Variants in SOX6 observed in about 807,000 individuals in gnomAD.
SOX6 encodes SRY-box transcription factor 6, also known as transcription factor SOX-6.
A neutral mutation model predicts 97.8 loss-of-function variants in SOX6; 11 were observed. That is an observed-to-expected ratio of 0.11 (90% CI 0.07 to 0.19). The LOEUF is 0.19. SOX6 is among the 10% of genes least tolerant of loss of function. The pLI, the probability that SOX6 is intolerant of heterozygous loss-of-function variation, is 1.00. For synonymous variants in SOX6, 360 were observed against 371.4 expected (o/e 0.97, Z 0.35); for missense variants, 810 against 1,039.5 (o/e 0.78, Z 3.04).
At chr11:16,207,297 C>T (rs997528560) in intron 4 of SOX6, among the ~76,000 whole-genome samples, 1 of 152,074 alleles carries the variant, frequency 6.6e-6, no homozygotes, top group Non-Finnish European at 1.5e-5. Flanking sequence ...AGACAGCCCT[C>T]AAACTGATGA....
intron 4 of SOX6, among the ~76,000 whole-genome samples, chr11:16,521,989 C>A (rs935820862): frequency 6.6e-6 from 1 of 151,978 alleles, no homozygotes; most frequent in Non-Finnish European, 1.5e-5. Context: ...GTGAAAAGAC[C>A]AAATCTACGT....
intron 9 of SOX6, among the ~76,000 whole-genome samples, chr11:16,062,853 T>C (rs72866366): frequency 8.6e-5 from 13 of 151,842 alleles, no homozygotes; most frequent in Admixed American, 3.3e-4. Context: ...ATTTGACACA[T>C]AGAACTGAAA....
chr11:16,670,518 G>T (rs1380226201), intron 3 of SOX6, among the ~76,000 whole-genome samples: 2 of 152,064 alleles, frequency 1.3e-5, no homozygotes, highest in Non-Finnish European at 2.9e-5. Context: ...CTTAACGAAG[G>T]AGCAAAGACC....
At chr11:16,401,663 C>A (rs890520870) in intron 1 of SOX6, among the ~76,000 whole-genome samples, 1 of 151,472 alleles carries the variant, frequency 6.6e-6, no homozygotes, top group African/African-American at 2.4e-5. Context: ...ACTCAAAAGT[C>A]ATTAAGCTCT....
At chr11:16,093,457 A>T (rs1047289183) in intron 9 of SOX6, among the ~76,000 whole-genome samples, 2 of 152,004 alleles carry the variant, frequency 1.3e-5, no homozygotes. Flanking sequence ...TCTCTACTTG[A>T]TAAAATTTCA....
At chr11:16,306,585 C>A (rs1477456937) in intron 3 of SOX6, among the ~76,000 whole-genome samples, 1 of 150,664 alleles carries the variant, frequency 6.6e-6, no homozygotes, top group African/African-American at 2.4e-5. Flanking sequence ...AAAATCTTGT[C>A]CTGAGATTGT....
At position 16,644,344 on chromosome 11, in the gene SOX6, C is replaced by T. The variant is rs180799570; in HGVS notation, n.430-32084G>A. On this transcript the variant is annotated intron_variant and non_coding_transcript_variant, in intron 3 of 5. Coordinates refer to the SOX6 transcript ENST00000524520. ...TCACCCACCATACCTGGCCCATTTC[C>T]AGTCACAATCTTTTGATATAAATCA... 2.3e-3 allele frequency among the ~76,000 whole-genome samples: 346 copies of T among 152,228 alleles called. 3 individuals are homozygous for T. Among genetic ancestry groups the T allele is most frequent in the African/African-American group, 7.8e-3 (326 of 41,544 alleles).
At chr11:16,005,326 A>G (rs937538755) in intron 13 of SOX6, among the ~76,000 whole-genome samples, 8 of 151,968 alleles carry the variant, frequency 5.3e-5, no homozygotes, top group African/African-American at 1.9e-4. Flanking sequence ...CAACCGAGAA[A>G]GACCATCTCA....
intron 1 of SOX6, among the ~76,000 whole-genome samples, chr11:16,373,182 T>A (rs1284578182): frequency 6.6e-6 from 1 of 152,100 alleles, no homozygotes; most frequent in Admixed American, 6.6e-5. Flanking sequence ...ACGGCAAAAC[T>A]ATCTCAACTT....
chr11:16,162,640 A>G (rs1850780933), intron 6 of SOX6, among the ~76,000 whole-genome samples: 1 of 152,220 alleles, frequency 6.6e-6, no homozygotes, highest in Admixed American at 6.5e-5. Context: ...TAAAAAGCCA[A>G]GCAGATGCCC....
intron 3 of SOX6, among the ~76,000 whole-genome samples, chr11:16,254,143 A>G (rs973474506): frequency 1.7e-4 from 26 of 152,084 alleles, no homozygotes; most frequent in Non-Finnish European, 2.8e-4. Context: ...CTTCAAAAGT[A>G]AAGTAGAAAT....
At chr11:16,210,495 T>C (rs1274314781) in intron 4 of SOX6, among the ~76,000 whole-genome samples, 1 of 152,088 alleles carries the variant, frequency 6.6e-6, no homozygotes, top group Non-Finnish European at 1.5e-5. Context: ...TGTGACGAAA[T>C]GGGAAGTGAC....
At chr11:16,626,658 C>T (rs564456605) in intron 3 of SOX6, among the ~76,000 whole-genome samples, 2 of 152,202 alleles carry the variant, frequency 1.3e-5, no homozygotes, top group Admixed American at 1.3e-4. Context: ...ACACCACCAA[C>T]TTTTTCAGTC....
At chr11:15,988,813 C>T (rs574834094) in intron 14 of SOX6, among the ~76,000 whole-genome samples, 184 bp downstream of exon 14, 50 of 152,330 alleles carry the variant, frequency 3.3e-4, no homozygotes, top group Middle Eastern at 3.4e-3. Context: ...CTACATGCCA[C>T]ATTATGGGGT....
At chr11:16,470,668 A>G (rs1289784667) in intron 1 of SOX6, among the ~76,000 whole-genome samples, 1 of 152,164 alleles carries the variant, frequency 6.6e-6, no homozygotes, top group African/African-American at 2.4e-5. Flanking sequence ...TGAGATAGTG[A>G]TCAAAAACAA....
At chr11:16,582,186 A>G (rs1454303631) in intron 4 of SOX6, among the ~76,000 whole-genome samples, 2 of 152,172 alleles carry the variant, frequency 1.3e-5, no homozygotes, top group Non-Finnish European at 2.9e-5. Context: ...GCAAAGACTG[A>G]AAAACTACCT....
intron 12 of SOX6, among the ~76,000 whole-genome samples, chr11:16,032,092 T>A (rs1163182820): frequency 6.6e-6 from 1 of 152,190 alleles, no homozygotes; most frequent in African/African-American, 2.4e-5. Context: ...GAGTAACTAC[T>A]TCTTCCAAAG....
At chr11:16,698,683 G>A (rs761216580) in intron 3 of SOX6, among the ~76,000 whole-genome samples, 2 of 152,072 alleles carry the variant, frequency 1.3e-5, no homozygotes, top group African/African-American at 2.4e-5. Flanking sequence ...CTTGAATATC[G>A]AGAGGCGATT....
intron 2 of SOX6, among the ~76,000 whole-genome samples, chr11:16,725,660 A>T (rs1388127320): frequency 6.6e-6 from 1 of 152,114 alleles, no homozygotes; most frequent in Non-Finnish European, 1.5e-5. Flanking sequence ...GAAAACAAGG[A>T]GGAGGGATGG....
Sources: allele counts gnomAD v4.1 joint callset (sites outside exome capture counted in the v4.1 genomes callset), GRCh38; gene constraint gnomAD v4.1.1; transcripts MANE v1.5; gene names NCBI Gene and HGNC (gene_info 2026-07-23, HGNC 2026-07-21).